Variants in NBPF15 observed in about 807,000 individuals in gnomAD.
NBPF15 encodes NBPF family member NBPF15.
NBPF15 carries 74 observed loss-of-function variants against 62.2 expected under a neutral mutation model. The ratio of observed to expected loss-of-function variants is 1.19; its 90% CI spans 0.99 to 1.44. The LOEUF (loss-of-function observed/expected upper bound fraction) is 1.44, where lower values mean the gene tolerates loss of function less well. Ranked by LOEUF, NBPF15 falls within the 40% of genes most tolerant of loss-of-function variation. The probability of loss-of-function intolerance (pLI) is 0.00; values close to 1 mark genes in which losing one functional copy is unlikely to be tolerated. For missense variants in NBPF15, 790 were observed against 550.0 expected, an observed-to-expected ratio of 1.44 and a Z score of -4.36; for synonymous variants, 244 against 209.7, an observed-to-expected ratio of 1.16 and a Z score of -1.41.
chr1:144,428,892 T>C (rs1410589236), intron 14 of NBPF15, among the ~76,000 whole-genome samples: 2 of 152,046 alleles, frequency 1.3e-5, no homozygotes, highest in Non-Finnish European at 2.9e-5. Context: ...CCCTATGTGC[T>C]CTGTCCTAGG....
intron 14 of NBPF15, among the ~76,000 whole-genome samples, chr1:144,428,867 T>C (rs1348724103): frequency 6.6e-6 from 1 of 151,996 alleles, no homozygotes; most frequent in East Asian, 1.9e-4. Context: ...TTCCCCTGTT[T>C]TGGAATGTTA....
intron 6 of NBPF15, among the ~76,000 whole-genome samples, chr1:144,444,177 A>G (rs6659446): frequency 0.6 from 89,181 of 149,044 alleles, 27,250 homozygotes; most frequent in African/African-American, 0.64. Flanking sequence ...ACTATCATGA[A>G]CATCCATACG....
At chr1:144,455,350 A>G (rs1299920110) in intron 4 of NBPF15, among the ~76,000 whole-genome samples, 1 of 152,042 alleles carries the variant, frequency 6.6e-6, no homozygotes, top group African/African-American at 2.4e-5. Flanking sequence ...AGGGGAACTT[A>G]CACCACCAGT....
intron 4 of NBPF15, among the ~76,000 whole-genome samples, chr1:144,452,111 C>T (rs1360822161): frequency 4.6e-5 from 7 of 151,212 alleles, no homozygotes; most frequent in East Asian, 1.9e-4. Flanking sequence ...GAGATGGCGC[C>T]GTTGCATTCG....
At chr1:144,451,257 C>T (rs1395966958) in intron 4 of NBPF15, among the ~76,000 whole-genome samples, 13 of 152,094 alleles carry the variant, frequency 8.5e-5, no homozygotes, top group African/African-American at 2.9e-4. Context: ...AGCAGTATTG[C>T]TGCCAGCATG....
chr1:144,428,246 C>A (rs1304458416), intron 15 of NBPF15, among the ~76,000 whole-genome samples: 1 of 151,706 alleles, frequency 6.6e-6, no homozygotes, highest in Non-Finnish European at 1.5e-5. Flanking sequence ...AGGTGACACA[C>A]TGATGAGGGA....
intron 6 of NBPF15, among the ~76,000 whole-genome samples, chr1:144,447,888 C>A (rs1257112079): frequency 1.3e-5 from 2 of 152,004 alleles, no homozygotes; most frequent in Non-Finnish European, 2.9e-5. Context: ...CAGAGACTGC[C>A]AGGCTGAGGG....
intron 16 of NBPF15, 80 bp from the exon 17 acceptor site, chr1:144,427,178 C>T (rs1462887295): frequency 8.4e-6 from 5 of 593,382 alleles, no homozygotes; most frequent in Non-Finnish European, 1.5e-5. Flanking sequence ...AATCCTCACA[C>T]AGGGACTTCA....
At chr1:144,437,850 T>A (rs1327579844) in intron 9 of NBPF15, 95 bp downstream of exon 9, 1 of 1,591,172 alleles carries the variant, frequency 6.3e-7, no homozygotes, top group Non-Finnish European at 8.6e-7. Flanking sequence ...GCCCTTCCCC[T>A]GGCCCAGCTT....
intron 4 of NBPF15, among the ~76,000 whole-genome samples, chr1:144,451,094 C>T (rs201332597): frequency 5.3e-5 from 8 of 151,806 alleles, no homozygotes; most frequent in Admixed American, 6.6e-5. Flanking sequence ...CGGGCATTTC[C>T]GGAGAGGGGG....
At chr1:144,426,518 T>A in intron 17 of NBPF15, 68 bp from the exon 18 acceptor site, 1 of 774,916 alleles carries the variant, frequency 1.3e-6, no homozygotes, top group Non-Finnish European at 2.4e-6. Context: ...CCAGCTAGAT[T>A]TCATGGCTAA....
At chr1:144,428,510 G>C (rs1325673378) in intron 15 of NBPF15, 96 bp downstream of exon 15, 33 of 787,524 alleles carry the variant, frequency 4.2e-5, no homozygotes, top group Non-Finnish European at 6.9e-5. Context: ...TGTCTGACAA[G>C]ACAAAATCAT....
rs1180846025 is a variant in NBPF15, at chr1:144,438,983, CATT to C, written c.175+843_175+845del. The stretch of plus-strand genomic sequence containing the variant: ...GCTTTTTATTCTTATTTTTATTTAT[CATT>C]ATTATTATTATTTTTTTTTAACAGT... On this transcript the variant is annotated intron_variant, in intron 8 of 21. Coordinates refer to ENST00000581897, the MANE Select transcript of NBPF15 (RefSeq NM_001385408.1). Among the ~76,000 whole-genome samples the C allele has an allele frequency of 5.3e-5, 8 of 151,526 alleles. 1 individual carries two copies. The highest frequency in any genetic ancestry group is 4.2e-4 in the South Asian group (2 of 4,794).
In NBPF15 at chr1:144,423,043, C is replaced by T; in HGVS notation, c.1983G>A (p.Val661=). 2 of 1,611,628 alleles carry T rather than the reference C, an allele frequency of 1.2e-6. No homozygotes were observed. The highest frequency in any genetic ancestry group is 1.7e-6 in the Non-Finnish European group (2 of 1,179,634). ...FTLTVTSLHL[V]FQMGVIFPQ ...GTGGGAATATGACTCCCATCTGGAA[C>T]ACCAGGTGGAGACTTGTCACCGTCA... The change falls in exon 22 of 22, where the codon GTG becomes GTA. Residue 661 remains valine, a synonymous_variant. Transcript: ENST00000581897.
At position 144,439,140 on chromosome 1, in the gene NBPF15, C is replaced by T. The variant is rs1376786636; in HGVS notation, c.175+689G>A. Among the ~76,000 whole-genome samples, 10 of 151,866 alleles carry T rather than the reference C, an allele frequency of 6.6e-5. 1 individual carries two copies. Among genetic ancestry groups the T allele is most frequent in the South Asian group, 6.2e-4 (3 of 4,802 alleles). On this transcript the variant is annotated intron_variant, in intron 8 of 21. Transcript: ENST00000581897. The stretch of plus-strand genomic sequence containing the variant: ...GGGTGATTACAGTCACCTGCCACCA[C>T]GCCCATCTACTTTTTGTATTTTTAG...
rs1270542131 is a variant in NBPF15 at position 144,440,860 on chromosome 1, G to A, written c.-190-565C>T. On this transcript the variant is annotated intron_variant, in intron 6 of 21. Coordinates refer to ENST00000581897, the MANE Select transcript of NBPF15 (RefSeq NM_001385408.1). ...TTTTTTTTGTATTTTTAGTAGAGAC[G>A]GGGTTTCACTGTGTTAGCCAGGATG... Among the ~76,000 whole-genome samples the A allele has an allele frequency of 1.7e-4, 26 of 151,056 alleles. No homozygotes were observed. In the East Asian group the frequency reaches 2.1e-3, roughly 12 times the overall value.
intron 9 of NBPF15, 90 bp downstream of exon 9, chr1:144,437,855 C>T: frequency 1.9e-6 from 3 of 1,601,328 alleles, no homozygotes; most frequent in Non-Finnish European, 2.6e-6. Context: ...TCCCCTGGCC[C>T]AGCTTAGCTC....
intron 3 of NBPF15, 150 bp downstream of exon 3, chr1:144,459,216 T>G (rs1650544449): frequency 6.6e-6 from 1 of 151,754 alleles, no homozygotes; most frequent in South Asian, 2.1e-4. Flanking sequence ...TCAGGCTGGG[T>G]GCAGTGGCTC....
intron 2 of NBPF15, 122 bp from the exon 3 acceptor site, chr1:144,459,605 A>G (rs1553547874): frequency 2.0e-5 from 3 of 151,914 alleles, no homozygotes; most frequent in African/African-American, 7.3e-5. Flanking sequence ...TATCGTAGAA[A>G]GGACACATAA....
Sources: allele counts gnomAD v4.1 joint callset (sites outside exome capture counted in the v4.1 genomes callset), GRCh38; gene constraint gnomAD v4.1.1; transcripts MANE v1.5; gene names NCBI Gene and HGNC (gene_info 2026-07-23, HGNC 2026-07-21).